The following NCOA7 variants were observed in gnomAD, a reference collection of about 807,000 sequenced individuals.
The protein encoded by NCOA7 is 140 kDa estrogen receptor-associated protein.
In NCOA7, 45 loss-of-function variants were observed where a neutral mutation model predicts 104.3. The ratio of observed to expected loss-of-function variants is 0.43; its 90% CI spans 0.34 to 0.55. The LOEUF (loss-of-function observed/expected upper bound fraction) is 0.55. Among genes scored for constraint, NCOA7 ranks in the 20% least tolerant of loss-of-function variants. NCOA7 has a pLI of 0.02. For synonymous variants in NCOA7, 398 were observed against 402.3 expected (o/e 0.99, Z 0.13); for missense variants, 1,041 against 1,119.7 (o/e 0.93, Z 1.00).
At chr6:125,920,650 C>T (rs999848204) in intron 11 of NCOA7, among the ~76,000 whole-genome samples, 11 of 152,342 alleles carry the variant, frequency 7.2e-5, no homozygotes, top group African/African-American at 2.6e-4. Context: ...AAGCCATCTT[C>T]CTCCTGCCTT....
chr6:125,927,880 C>A, intron 14 of NCOA7, 122 bp downstream of exon 14: 1 of 863,796 alleles, frequency 1.2e-6, no homozygotes, highest in Admixed American at 1.9e-5. Flanking sequence ...CGGGCTGGGT[C>A]AGCCCTTTAT....
upstream of NCOA7, among the ~76,000 whole-genome samples, chr6:125,786,671 G>T (rs1480601185): frequency 2.0e-5 from 3 of 150,896 alleles, no homozygotes; most frequent in Non-Finnish European, 4.4e-5. Context: ...CTCCCTCTCG[G>T]GTTCAAGTGA....
At chr6:125,787,129 A>C (rs1473082607), upstream of NCOA7, among the ~76,000 whole-genome samples, 1 of 151,876 alleles carries the variant, frequency 6.6e-6, no homozygotes, top group Non-Finnish European at 1.5e-5. Context: ...CTGGAAGAAA[A>C]AAAAAAAAAA....
chr6:125,853,007 T>C (rs1345882194), intron 2 of NCOA7, among the ~76,000 whole-genome samples: 1 of 152,232 alleles, frequency 6.6e-6, no homozygotes, highest in Non-Finnish European at 1.5e-5. Flanking sequence ...AATCTGTCGA[T>C]TGCTTTGGGC....
intron 10 of NCOA7, among the ~76,000 whole-genome samples, chr6:125,898,809 G>A (rs1785255596): frequency 6.6e-6 from 1 of 151,948 alleles, no homozygotes; most frequent in Non-Finnish European, 1.5e-5. Flanking sequence ...GAATAAATGA[G>A]CTTATAATCT....
At position 125,807,727 on chromosome 6, in the gene NCOA7, T is replaced by A. The variant is rs143051338; in HGVS notation, c.-64-7564T>A. On this transcript the variant is annotated intron_variant, in intron 1 of 15. Transcript: ENST00000392477. ...GATAAGGGAGGCCTCTATATTTTTG[T>A]TCAAGTCAGTGGGAAATATACTCAT... Among the ~76,000 whole-genome samples, 826 of 152,310 alleles carry A rather than the reference T, an allele frequency of 5.4e-3. 4 individuals are homozygous for A. Among genetic ancestry groups the A allele is most frequent in the Middle Eastern group, 0.02 (6 of 294 alleles).
intron 6 of NCOA7, 122 bp downstream of exon 6, chr6:125,881,325 T>C: frequency 1.3e-6 from 1 of 770,420 alleles, no homozygotes; most frequent in South Asian, 1.7e-5. Flanking sequence ...TGAGATTAGG[T>C]AATTGGAGAA....
intron 10 of NCOA7, among the ~76,000 whole-genome samples, chr6:125,907,923 T>A (rs1464275314): frequency 6.6e-6 from 1 of 152,228 alleles, no homozygotes; most frequent in Non-Finnish European, 1.5e-5. Flanking sequence ...GTTAAGTGTT[T>A]ACGACTCTAA....
chr6:125,848,526 C>G (rs914093500), intron 2 of NCOA7, among the ~76,000 whole-genome samples: 3 of 152,262 alleles, frequency 2.0e-5, no homozygotes, highest in Admixed American at 2.0e-4. Flanking sequence ...TGGAAACCAT[C>G]ATTCTCAGCA....
intron 2 of NCOA7, among the ~76,000 whole-genome samples, chr6:125,823,754 ATAC>A (rs1231533440): frequency 6.6e-6 from 1 of 152,218 alleles, no homozygotes; most frequent in Admixed American, 6.5e-5. Flanking sequence ...TCTGTGTAAA[ATAC>A]TACAAGCTGT....
At chr6:125,884,428 A>G (rs1784096038) in intron 7 of NCOA7, among the ~76,000 whole-genome samples, 1 of 152,222 alleles carries the variant, frequency 6.6e-6, no homozygotes, top group African/African-American at 2.4e-5. Context: ...CATTAAAAGT[A>G]CCAAAATAAA....
chr6:125,875,903 C>T (rs10080352), intron 4 of NCOA7, among the ~76,000 whole-genome samples: 16,875 of 152,146 alleles, frequency 0.11, 1,103 homozygotes, highest in African/African-American at 0.18. Context: ...CAACTCCACA[C>T]TGTGTGCCAT....
intron 10 of NCOA7, among the ~76,000 whole-genome samples, chr6:125,911,921 A>G (rs1786599727): frequency 1.3e-5 from 2 of 152,162 alleles, no homozygotes; most frequent in South Asian, 2.1e-4. Flanking sequence ...ACGTTAGTAA[A>G]TCTACTGAAA....
chr6:125,904,004 A>C (rs1161336774), intron 10 of NCOA7, among the ~76,000 whole-genome samples: 1 of 152,120 alleles, frequency 6.6e-6, no homozygotes, highest in East Asian at 1.9e-4. Flanking sequence ...CTACCCTTTA[A>C]GTACATATGT....
intron 2 of NCOA7, among the ~76,000 whole-genome samples, chr6:125,850,470 G>A (rs555300012): frequency 6.6e-6 from 1 of 152,258 alleles, no homozygotes; most frequent in Admixed American, 6.5e-5. Context: ...GTAGAAAAGG[G>A]AGAAAAAGAA....
At chr6:125,849,209 G>T (rs753218138) in intron 2 of NCOA7, among the ~76,000 whole-genome samples, 7 of 152,134 alleles carry the variant, frequency 4.6e-5, no homozygotes, top group Non-Finnish European at 1.0e-4. Flanking sequence ...TCTTTAGCAG[G>T]AGCCCCTTGC....
chr6:125,875,108 G>A, intron 4 of NCOA7, 140 bp downstream of exon 4: 1 of 565,406 alleles, frequency 1.8e-6, no homozygotes, highest in Non-Finnish European at 3.2e-6. Flanking sequence ...CCAGTTTTAG[G>A]TCATTTCTTT....
At chr6:125,845,287 G>A (rs1478796558) in intron 2 of NCOA7, among the ~76,000 whole-genome samples, 1 of 152,170 alleles carries the variant, frequency 6.6e-6, no homozygotes, top group African/African-American at 2.4e-5. Flanking sequence ...AAAAAGTGAT[G>A]TGGGATTGCA....
chr6:125,815,535 A>G, intron 2 of NCOA7, 131 bp downstream of exon 2: 1 of 673,182 alleles, frequency 1.5e-6, no homozygotes, highest in Non-Finnish European at 2.5e-6. Flanking sequence ...CAGGAGAAGT[A>G]AACTATACTT....
Sources: gnomAD v4.1 joint callset for allele counts (sites outside exome capture counted in the v4.1 genomes callset) on GRCh38, gnomAD v4.1.1 for gene constraint, MANE v1.5 for transcripts, NCBI Gene and HGNC (gene_info 2026-07-23, HGNC 2026-07-21) for gene names.